Variants in NTN4 observed in about 807,000 individuals in gnomAD.
The protein encoded by NTN4 is netrin-4.
Under a neutral mutation model 73.6 loss-of-function variants are expected in NTN4, and 32 were observed. The ratio of observed to expected loss-of-function variants is 0.44; its 90% CI spans 0.33 to 0.58. The LOEUF (loss-of-function observed/expected upper bound fraction) is 0.58, where lower values mean the gene tolerates loss of function less well. NTN4 is among the 20% of genes least tolerant of loss of function. The pLI, the probability that NTN4 is intolerant of heterozygous loss-of-function variation, is 0.04. For synonymous variants in NTN4, 258 were observed against 287.5 expected, an observed-to-expected ratio of 0.90 and a Z score of 1.04; for missense variants, 654 against 798.3, an observed-to-expected ratio of 0.82 and a Z score of 2.18.
Position 95,790,061 on chromosome 12 carries a change from C to A in NTN4, c.55+194G>T. The stretch of plus-strand genomic sequence containing the variant: ...TGGTTATCCAAGCGCATGTGTATCC[C>A]AGTTGTAAAAATAAATCAATAGTAT... On this transcript the variant is annotated intron_variant, in intron 1 of 9. Transcript: ENST00000343702. The surrounding 1 kb of genome is among the most constrained non-coding windows in gnomAD (Gnocchi z 6.5). The A allele has an allele frequency of 2.1e-6, 1 of 478,132 alleles. No homozygotes were observed. The highest frequency in any genetic ancestry group is 3.8e-6 in the Non-Finnish European group (1 of 265,976). The allele number at this position is 478,132 out of a possible 1,614,324, so 29.6% of individuals were successfully genotyped here.
chr12:95,762,863 A>T (rs1287202228), intron 2 of NTN4, among the ~76,000 whole-genome samples: 1 of 152,068 alleles, frequency 6.6e-6, no homozygotes, highest in East Asian at 1.9e-4. Flanking sequence ...AAACAAACTA[A>T]CTCTCATTTC....
chr12:95,742,228 G>A (rs1374200903), intron 2 of NTN4, among the ~76,000 whole-genome samples: 2 of 152,104 alleles, frequency 1.3e-5, no homozygotes, highest in Non-Finnish European at 2.9e-5. Context: ...AGGTGCGGTG[G>A]CTCATGCCTG....
At chr12:95,706,819 G>A (rs932837621) in intron 5 of NTN4, among the ~76,000 whole-genome samples, 3 of 151,988 alleles carry the variant, frequency 2.0e-5, no homozygotes, top group African/African-American at 2.4e-5. Context: ...TTGGGGGGGC[G>A]GGGCATGCTT....
intron 5 of NTN4, among the ~76,000 whole-genome samples, chr12:95,695,672 C>G (rs1360470931): frequency 6.6e-6 from 1 of 152,096 alleles, no homozygotes; most frequent in Non-Finnish European, 1.5e-5. Flanking sequence ...ATTTTTAATG[C>G]TTGCTATGTG....
intron 2 of NTN4, among the ~76,000 whole-genome samples, chr12:95,769,088 A>G (rs1320564471): frequency 6.6e-6 from 1 of 152,112 alleles, no homozygotes; most frequent in Non-Finnish European, 1.5e-5. Flanking sequence ...GAAGAAAGAG[A>G]GCGGAAGGGA....
chr12:95,680,558 T>C (rs1291364294), intron 7 of NTN4, among the ~76,000 whole-genome samples: 1 of 152,242 alleles, frequency 6.6e-6, no homozygotes, highest in Non-Finnish European at 1.5e-5. Context: ...GGCAGTGTTA[T>C]TTATAATGGT....
At chr12:95,730,424 GA>G (rs1417935062) in intron 3 of NTN4, among the ~76,000 whole-genome samples, 1 of 152,108 alleles carries the variant, frequency 6.6e-6, no homozygotes, top group Non-Finnish European at 1.5e-5. Context: ...TTGTTCTGGG[GA>G]AACTCTTGAA....
rs1361021311 is a variant in NTN4 at position 95,710,315 on chromosome 12, G to A, written c.1180+126C>T. The A allele has an allele frequency of 3.7e-5, 25 of 668,624 alleles. No individual in the cohort carries two copies. The South Asian group carries it at 6.5e-4, about 17-fold the overall frequency. 41.4% of individuals were successfully genotyped at this position (668,624 alleles called of 1,614,324 possible). On this transcript the variant is annotated intron_variant, in intron 5 of 9. Transcript: ENST00000343702. Reference sequence around the variant, plus strand: ...CCTCTTATCAATGAAGAAATTAACCGATATCTGTGAGTGTGTTATCTCAGA... The same window carrying A: ...CCTCTTATCAATGAAGAAATTAACCAATATCTGTGAGTGTGTTATCTCAGA...
At chr12:95,677,024 C>G (rs926920556) in intron 7 of NTN4, among the ~76,000 whole-genome samples, 1 of 152,082 alleles carries the variant, frequency 6.6e-6, no homozygotes, top group South Asian at 2.1e-4. Flanking sequence ...ATCTTAAGGT[C>G]AGGAGATCTA....
Position 95,682,697 on chromosome 12 carries a change from T to A in NTN4, c.1510+10A>T. On this transcript the variant is annotated intron_variant, in intron 7 of 9. Coordinates refer to ENST00000343702, the MANE Select transcript of NTN4 (RefSeq NM_021229.4). Reference sequence around the variant, plus strand: ...CCTGAAAATATGATGCCTGGTTACATCCATCTCACCTGAGTGTAGAAGTGC... The same window carrying A: ...CCTGAAAATATGATGCCTGGTTACAACCATCTCACCTGAGTGTAGAAGTGC... 6.3e-7 allele frequency: 1 copy of A among 1,576,512 alleles called. No individual in the cohort carries two copies. The highest frequency in any genetic ancestry group is 8.7e-7 in the Non-Finnish European group (1 of 1,146,444).
intron 8 of NTN4, 109 bp downstream of exon 8, chr12:95,669,969 G>C: frequency 1.7e-6 from 1 of 594,196 alleles, no homozygotes; most frequent in Non-Finnish European, 3.0e-6. Flanking sequence ...CTAATGCTTT[G>C]TGCTTTCATT....
At chr12:95,725,623 A>G (rs923638993) in intron 3 of NTN4, among the ~76,000 whole-genome samples, 1 of 152,182 alleles carries the variant, frequency 6.6e-6, no homozygotes, top group Non-Finnish European at 1.5e-5. Flanking sequence ...ACAAAAGTTG[A>G]CATGTTTAAG....
Position 95,744,215 on chromosome 12 carries a change from G to A in NTN4, c.586-6071C>T, listed in dbSNP as rs79578566. Among the ~76,000 whole-genome samples, 4 of 152,280 alleles carry A rather than the reference G, an allele frequency of 2.6e-5. No homozygotes were observed. In the East Asian group the frequency reaches 7.7e-4, roughly 29 times the overall value. On this transcript the variant is annotated intron_variant, in intron 2 of 9. Transcript: ENST00000343702. ...CCGTGCCCCGCCAACATGGAGGATT[G>A]TTATATCCTCTTGATGAAGTGACTG...
intron 5 of NTN4, among the ~76,000 whole-genome samples, chr12:95,692,136 A>G (rs1267247353): frequency 6.6e-6 from 1 of 152,012 alleles, no homozygotes; most frequent in Non-Finnish European, 1.5e-5. Context: ...CCTGGGTCCA[A>G]GTGATTCTCC....
At chr12:95,666,168 C>T (rs943336496) in intron 8 of NTN4, among the ~76,000 whole-genome samples, 188 bp from the exon 9 acceptor site, 1 of 152,136 alleles carries the variant, frequency 6.6e-6, no homozygotes, top group African/African-American at 2.4e-5. Flanking sequence ...GAAAGTAACT[C>T]AGGAATGGAA....
Position 95,738,131 on chromosome 12 carries a change from G to A in NTN4, c.599C>T (p.Ala200Val). Residue 200 changes from alanine (A) to valine (V), a missense_variant, in exon 3 of 10, where the codon GCT becomes GTT. Coordinates refer to ENST00000343702, the MANE Select transcript of NTN4 (RefSeq NM_021229.4). ...PCTGGEVIFK[A>V]LSPPYDTENP... ...CTCTGTATCGTATGGTGGTGACAAA[G>A]CTTTGAAAATAACCTGTAAGGAGAA... 6.2e-7 allele frequency: 1 copy of A among 1,612,804 alleles called. No individual in the cohort carries two copies. The highest frequency in any genetic ancestry group is 1.1e-5 in the South Asian group (1 of 90,908).
intron 8 of NTN4, among the ~76,000 whole-genome samples, chr12:95,666,897 C>T (rs1316998321): frequency 6.6e-6 from 1 of 152,172 alleles, no homozygotes; most frequent in East Asian, 1.9e-4. Context: ...CTGGACCACA[C>T]ATAAAGTACA....
At chr12:95,784,921 TAA>T (rs2079156964) in intron 2 of NTN4, among the ~76,000 whole-genome samples, 1 of 152,208 alleles carries the variant, frequency 6.6e-6, no homozygotes, top group Non-Finnish European at 1.5e-5. Context: ...TAGTTGGTTT[TAA>T]AAAAGACAAG....
In NTN4 at chr12:95,737,992, T is replaced by C; in HGVS notation, c.738A>G (p.Gln246=). The change falls in exon 3 of 10, where the codon CAA becomes CAG. Residue 246 remains glutamine (Q), a synonymous_variant. Transcript: ENST00000343702. ...CQRNDLNEEP[Q]HFTHYAIYDF... ...CATAGATTGCATAGTGTGTAAAATG[T>C]TGAGGCTCTTCGTTCAGGTCATTTC... is the stretch of plus-strand genomic sequence containing the variant. The C allele has an allele frequency of 6.2e-7, 1 of 1,614,140 alleles. No homozygotes were observed. The highest frequency in any genetic ancestry group is 8.5e-7 in the Non-Finnish European group (1 of 1,180,016).
Sources: allele counts gnomAD v4.1 joint callset (sites outside exome capture counted in the v4.1 genomes callset), GRCh38; gene constraint gnomAD v4.1.1; non-coding constraint Gnocchi (gnomAD v3.1); transcripts MANE v1.5; gene names NCBI Gene and HGNC (gene_info 2026-07-23, HGNC 2026-07-21).